DRC10: variants seen among roughly 807,000 people sequenced by gnomAD.
DRC10 encodes the protein dynein regulatory complex subunit 10, also known as IQ domain-containing protein D.
At chr12:113,197,510 A>T in the DRC10 span, 2 of 1,440,076 alleles carry the variant, frequency 1.4e-6, no homozygotes, top group Non-Finnish European at 1.9e-6. Flanking sequence ...TGGGAAAAGC[A>T]TGCGAGAGAG....
the DRC10 span, among the ~76,000 whole-genome samples, chr12:113,210,631 A>T: frequency 6.6e-6 from 1 of 150,562 alleles, no homozygotes; most frequent in East Asian, 1.9e-4. Context: ...AAAAAAAAGA[A>T]CACCTACTGC....
At chr12:113,200,624 T>C in the DRC10 span, 1 of 1,536,140 alleles carries the variant, frequency 6.5e-7, no homozygotes, top group East Asian at 2.4e-5. Flanking sequence ...ATGACCAGGT[T>C]GTAAAACTGT....
chr12:113,210,716 AT>A, the DRC10 span, among the ~76,000 whole-genome samples: 1 of 132,672 alleles, frequency 7.5e-6, no homozygotes, highest in African/African-American at 2.9e-5. Flanking sequence ...CCTCACCCTG[AT>A]TCTTCTTCAT....
chr12:113,220,173 A>T, the DRC10 span, among the ~76,000 whole-genome samples: 1 of 152,274 alleles, frequency 6.6e-6, no homozygotes, highest in Admixed American at 6.5e-5. Flanking sequence ...CAGTAGGTAC[A>T]ATGAGATCAC....
At chr12:113,200,678 C>T in the DRC10 span, 1 of 1,536,194 alleles carries the variant, frequency 6.5e-7, no homozygotes, top group East Asian at 2.4e-5. Flanking sequence ...GCCACCCTGG[C>T]CTGTGATGCC....
the DRC10 span, among the ~76,000 whole-genome samples, chr12:113,202,542 G>A: frequency 0.063 from 9,519 of 152,214 alleles, 380 homozygotes; most frequent in Middle Eastern, 0.078. Context: ...CCCCAGTGAC[G>A]GGTGGTCGGT....
At chr12:113,214,672 G>A in the DRC10 span, among the ~76,000 whole-genome samples, 1 of 152,122 alleles carries the variant, frequency 6.6e-6, no homozygotes, top group Non-Finnish European at 1.5e-5. Context: ...GTCCTGAATT[G>A]GAGCCAGAAA....
chr12:113,203,026 C>G, the DRC10 span: 1 of 455,114 alleles, frequency 2.2e-6, no homozygotes, highest in Admixed American at 2.4e-5. Flanking sequence ...GATCATGCTA[C>G]TGTTTCCCTT....
At chr12:113,198,877 G>T in the DRC10 span, among the ~76,000 whole-genome samples, 1 of 152,120 alleles carries the variant, frequency 6.6e-6, no homozygotes, top group Admixed American at 6.6e-5. Context: ...AATTGCTTGA[G>T]GCCACAAGTT....
At chr12:113,201,765 G>A in the DRC10 span, among the ~76,000 whole-genome samples, 2 of 152,350 alleles carry the variant, frequency 1.3e-5, no homozygotes, top group African/African-American at 4.8e-5. Flanking sequence ...TGGGTCAGCT[G>A]GCAGCAGGCC....
At chr12:113,203,851 A>T in the DRC10 span, among the ~76,000 whole-genome samples, 7 of 130,494 alleles carry the variant, frequency 5.4e-5, no homozygotes, top group African/African-American at 2.1e-4. Flanking sequence ...TGAACTCTTG[A>T]CCTCAAGTGA....
the DRC10 span, chr12:113,200,255 G>A: frequency 4.2e-6 from 2 of 473,754 alleles, no homozygotes; most frequent in South Asian, 3.8e-5. Flanking sequence ...CTCTGACGAT[G>A]TGGGTATTAT....
chr12:113,200,937 G>T, the DRC10 span: 29 of 643,690 alleles, frequency 4.5e-5, no homozygotes, highest in Non-Finnish European at 7.1e-5. Context: ...TCAGGAGTTT[G>T]AGACCAGCCT....
the DRC10 span, among the ~76,000 whole-genome samples, chr12:113,211,673 G>A: frequency 6.6e-6 from 1 of 152,040 alleles, no homozygotes; most frequent in African/African-American, 2.4e-5. Context: ...GCCCCTTTGG[G>A]AGCAGAGGAT....
the DRC10 span, among the ~76,000 whole-genome samples, chr12:113,216,002 A>C: frequency 9.2e-5 from 14 of 152,128 alleles, no homozygotes; most frequent in Non-Finnish European, 2.1e-4. Context: ...CAGTAATTGC[A>C]CTCCTTGGTG....
At chr12:113,218,173 G>A in the DRC10 span, among the ~76,000 whole-genome samples, 67 of 145,338 alleles carry the variant, frequency 4.6e-4, 1 homozygote, top group East Asian at 0.011. Flanking sequence ...TTTTGCTCTC[G>A]TTTCCCAGGC....
At chr12:113,216,448 G>A in the DRC10 span, among the ~76,000 whole-genome samples, 1 of 152,128 alleles carries the variant, frequency 6.6e-6, no homozygotes, top group Non-Finnish European at 1.5e-5. Flanking sequence ...CTACAATGAT[G>A]GATACCATCA....
the DRC10 span, among the ~76,000 whole-genome samples, chr12:113,212,132 G>T: frequency 6.7e-6 from 1 of 150,320 alleles, no homozygotes; most frequent in Non-Finnish European, 1.5e-5. Context: ...GTGCAATGGT[G>T]TGATTTGGGC....
At chr12:113,196,588 G>A in the DRC10 span, among the ~76,000 whole-genome samples, 2 of 152,152 alleles carry the variant, frequency 1.3e-5, no homozygotes, top group Admixed American at 6.5e-5. Context: ...GAGAGCCCCC[G>A]CCTGCAAAGC....
Sources: allele counts gnomAD v4.1 joint callset (sites outside exome capture counted in the v4.1 genomes callset), GRCh38; gene constraint gnomAD v4.1.1; transcripts MANE v1.5; gene names NCBI Gene and HGNC (gene_info 2026-07-23, HGNC 2026-07-21).